PTPN3: variants seen among roughly 807,000 people sequenced by gnomAD.
The protein encoded by PTPN3 is protein tyrosine phosphatase non-receptor type 3.
Under a neutral mutation model 132.7 loss-of-function variants are expected in PTPN3, and 96 were observed. The ratio of observed to expected loss-of-function variants is 0.72; its 90% confidence interval spans 0.61 to 0.86. The LOEUF (loss-of-function observed/expected upper bound fraction) is 0.86, where lower values mean the gene tolerates loss of function less well. PTPN3 is among the 40% of genes least tolerant of loss of function. PTPN3 has a pLI of 0.00. For synonymous variants in PTPN3, 398 were observed against 429.0 expected, an observed-to-expected ratio of 0.93 and a Z score of 0.89; for missense variants, 1,125 against 1,159.6, an observed-to-expected ratio of 0.97 and a Z score of 0.43.
intron 13 of PTPN3, among the ~76,000 whole-genome samples, chr9:109,422,413 C>T (rs146270659): frequency 3.3e-5 from 5 of 152,254 alleles, no homozygotes; most frequent in African/African-American, 7.2e-5. Flanking sequence ...TATTATTGGA[C>T]GTCTCAGAGT....
intron 17 of PTPN3, among the ~76,000 whole-genome samples, chr9:109,407,336 C>T (rs1428245956): frequency 6.6e-6 from 1 of 151,928 alleles, no homozygotes; most frequent in African/African-American, 2.4e-5. Flanking sequence ...GTGATCATAC[C>T]ACTGCATTCC....
chr9:109,509,261 G>A, the PTPN3 span, among the ~76,000 whole-genome samples: 1 of 152,178 alleles, frequency 6.6e-6, no homozygotes, highest in Non-Finnish European at 1.5e-5. Flanking sequence ...ATTGTATATA[G>A]TGCAGTATCA....
intron 7 of PTPN3, 47 bp downstream of exon 7, chr9:109,445,193 G>A (rs143031671): frequency 1.3e-6 from 2 of 1,575,100 alleles, no homozygotes; most frequent in Admixed American, 1.7e-5. Flanking sequence ...TCCACACACT[G>A]ATCAGAACAA....
chr9:109,492,889 G>A (rs1051454132), intron 1 of PTPN3, among the ~76,000 whole-genome samples: 3 of 152,150 alleles, frequency 2.0e-5, no homozygotes, highest in East Asian at 1.9e-4. Context: ...CTCTAGTGCC[G>A]ATGGACTTTT....
chr9:109,498,715 T>C (rs1387643942), upstream of PTPN3, among the ~76,000 whole-genome samples: 5 of 152,312 alleles, frequency 3.3e-5, no homozygotes, highest in East Asian at 7.7e-4. The surrounding 1 kb of genome is among the most constrained non-coding windows in gnomAD (Gnocchi z 4.2). Context: ...GCTTCCCTGG[T>C]TAAACCTCCC....
chr9:109,425,212 A>G (rs529451024), intron 12 of PTPN3, among the ~76,000 whole-genome samples: 1 of 152,356 alleles, frequency 6.6e-6, no homozygotes, highest in African/African-American at 2.4e-5. Context: ...CACCACAAAT[A>G]GTATCACTGA....
At chr9:109,464,537 G>T (rs1183897002) in intron 1 of PTPN3, among the ~76,000 whole-genome samples, 3 of 152,140 alleles carry the variant, frequency 2.0e-5, no homozygotes, top group African/African-American at 7.2e-5. Context: ...ACCTGCACAT[G>T]TACTCAGAAC....
At chr9:109,485,777 AG>A (rs1847180452) in intron 1 of PTPN3, among the ~76,000 whole-genome samples, 1 of 152,174 alleles carries the variant, frequency 6.6e-6, no homozygotes, top group Admixed American at 6.5e-5. Flanking sequence ...AGCTCACGAG[AG>A]GGAACCCCTT....
chr9:109,459,675 A>G (rs1219975469), intron 2 of PTPN3, among the ~76,000 whole-genome samples: 1 of 152,072 alleles, frequency 6.6e-6, no homozygotes. Flanking sequence ...TTGGCCTCTC[A>G]AAGTGCTGAG....
intron 25 of PTPN3, 33 bp from the exon 26 acceptor site, chr9:109,379,666 A>T: frequency 6.4e-7 from 1 of 1,568,742 alleles, no homozygotes; most frequent in Non-Finnish European, 8.8e-7. Context: ...CAAGTCCTGT[A>T]GCTCCAGGAA....
chr9:109,506,891 C>T, the PTPN3 span, among the ~76,000 whole-genome samples: 1 of 152,200 alleles, frequency 6.6e-6, no homozygotes, highest in Admixed American at 6.5e-5. Flanking sequence ...GCATGAGCCA[C>T]AGTGCCCAGT....
At chr9:109,474,717 C>T (rs761020524) in intron 1 of PTPN3, among the ~76,000 whole-genome samples, 16 of 152,024 alleles carry the variant, frequency 1.1e-4, no homozygotes, top group African/African-American at 2.4e-4. Flanking sequence ...AATCTCAGGG[C>T]GGATAAGATT....
At chr9:109,390,459 G>T (rs1273035555) in intron 21 of PTPN3, among the ~76,000 whole-genome samples, 1 of 152,258 alleles carries the variant, frequency 6.6e-6, no homozygotes, top group Non-Finnish European at 1.5e-5. Flanking sequence ...CAGAAAGTCT[G>T]ACCCCAGGTT....
At chr9:109,508,364 G>A in the PTPN3 span, among the ~76,000 whole-genome samples, 1 of 152,240 alleles carries the variant, frequency 6.6e-6, no homozygotes, top group African/African-American at 2.4e-5. Flanking sequence ...GTTTCACCGT[G>A]TTAGCCAGGA....
chr9:109,476,583 C>T (rs1375662513), intron 1 of PTPN3, among the ~76,000 whole-genome samples: 1 of 152,156 alleles, frequency 6.6e-6, no homozygotes, highest in African/African-American at 2.4e-5. Context: ...CCAAGAAGAT[C>T]TTTGCTTGGG....
chr9:109,422,625 ATCTT>A, intron 13 of PTPN3, 89 bp downstream of exon 13: 4 of 1,397,670 alleles, frequency 2.9e-6, no homozygotes, highest in Non-Finnish European at 3.9e-6. Context: ...TAGGTCATCT[ATCTT>A]TAGGAGTTTA....
chr9:109,448,993 C>T, intron 5 of PTPN3, 138 bp from the exon 6 acceptor site: 1 of 1,455,266 alleles, frequency 6.9e-7, no homozygotes, highest in Non-Finnish European at 9.0e-7. Context: ...TCCAAGGTAT[C>T]AGGTGCTACC....
chr9:109,409,335 T>C (rs1841884032), intron 16 of PTPN3, among the ~76,000 whole-genome samples: 1 of 152,126 alleles, frequency 6.6e-6, no homozygotes, highest in Admixed American at 6.5e-5. Flanking sequence ...ATTCCTGAAG[T>C]GGGTAGATCT....
chr9:109,389,245 T>C lies in PTPN3; in HGVS notation c.2241A>G (p.Thr747=). 1 of 1,614,198 alleles carries C rather than the reference T, an allele frequency of 6.2e-7. No homozygotes were observed. The change falls in exon 22 of 26, where the codon ACA becomes ACG. Residue 747 remains threonine (T), a synonymous_variant. Coordinates refer to ENST00000374541, the MANE Select transcript of PTPN3 (RefSeq NM_002829.4). ...LSLIVMLTTL[T]ERGRTKCHQY... ...TCAAGCTACTTACCCGCCCTCGTTC[T>C]GTGAGAGTCGTCAACATGACAATGA... is the stretch of plus-strand genomic sequence containing the variant.
Sources: gnomAD v4.1 joint callset for allele counts (sites outside exome capture counted in the v4.1 genomes callset) on GRCh38, gnomAD v4.1.1 for gene constraint, Gnocchi (gnomAD v3.1) non-coding constraint, MANE v1.5 for transcripts, NCBI Gene and HGNC (gene_info 2026-07-23, HGNC 2026-07-21) for gene names.